The following MTRF1 variants were observed in gnomAD, a reference collection of about 807,000 sequenced individuals.
MTRF1 encodes peptide chain release factor 1, mitochondrial.
MTRF1 carries 51 observed loss-of-function variants against 62.9 expected under a neutral mutation model. That is an observed-to-expected ratio of 0.81 (90% confidence interval 0.65 to 1.02). MTRF1 has a LOEUF of 1.02. MTRF1 is among the 50% of genes least tolerant of loss of function. The pLI, the probability that MTRF1 is intolerant of heterozygous loss-of-function variation, is 0.00. For synonymous variants in MTRF1, 158 were observed against 181.9 expected (o/e 0.87, Z 1.06); for missense variants, 446 against 530.0 (o/e 0.84, Z 1.56).
chr13:41,257,748 T>C (rs756781670), intron 2 of MTRF1: 10 of 446,988 alleles, frequency 2.2e-5, no homozygotes, highest in Non-Finnish European at 4.1e-5. Context: ...AAGTGAGCTA[T>C]GATTACACTA....
the MTRF1 span, among the ~76,000 whole-genome samples, chr13:41,301,816 G>C: frequency 2.0e-5 from 3 of 152,102 alleles, no homozygotes; most frequent in Non-Finnish European, 4.4e-5. Flanking sequence ...TGTAGATAAA[G>C]ATTTTATGTA....
At position 41,243,973 on chromosome 13, in the gene MTRF1, C is replaced by T. The variant is rs113286492; in HGVS notation, c.698-3540G>A. Among the ~76,000 whole-genome samples, 830 of 152,234 alleles carry T rather than the reference C, an allele frequency of 5.5e-3. 8 individuals are homozygous for T. The highest frequency in any genetic ancestry group is 0.018 in the African/African-American group (748 of 41,534). On this transcript the variant is annotated intron_variant, in intron 5 of 9. Coordinates refer to ENST00000379480, the MANE Select transcript of MTRF1 (RefSeq NM_004294.4). The stretch of plus-strand genomic sequence containing the variant: ...ATCTATACTGTCAGATCATACAGTC[C>T]TTATGTAACAAATTTATTCCCCTTA...
At chr13:41,252,554 C>CAA in intron 5 of MTRF1, 91 bp downstream of exon 5, 3 of 948,430 alleles carry the variant, frequency 3.2e-6, no homozygotes, top group Non-Finnish European at 3.1e-6. Context: ...CCAAAAGTTT[C>CAA]AAAAAAAAAT....
the MTRF1 span, among the ~76,000 whole-genome samples, chr13:41,270,413 G>T: frequency 3.5e-3 from 530 of 152,244 alleles, 1 homozygote; most frequent in Non-Finnish European, 6.1e-3. Flanking sequence ...TTTCAGTAGT[G>T]AAACATTGTG....
intron 7 of MTRF1, among the ~76,000 whole-genome samples, chr13:41,231,836 T>C (rs1184623331): frequency 2.1e-5 from 3 of 140,650 alleles, no homozygotes; most frequent in East Asian, 2.1e-4. Context: ...AGCCGAGGAG[T>C]TGGAGACCAG....
At chr13:41,276,490 T>C in the MTRF1 span, among the ~76,000 whole-genome samples, 6 of 152,184 alleles carry the variant, frequency 3.9e-5, no homozygotes, top group African/African-American at 1.2e-4. Flanking sequence ...TCTTATTAAA[T>C]ACCTACCATG....
At chr13:41,297,567 C>T in the MTRF1 span, among the ~76,000 whole-genome samples, 7 of 150,864 alleles carry the variant, frequency 4.6e-5, no homozygotes, top group Admixed American at 4.0e-4. Flanking sequence ...TCAGGTACTA[C>T]TTTTAATTGC....
chr13:41,265,692 G>T (rs2040826764), upstream of MTRF1, among the ~76,000 whole-genome samples: 2 of 151,956 alleles, frequency 1.3e-5, no homozygotes, highest in Admixed American at 6.6e-5. Flanking sequence ...GAGGTTACGT[G>T]AGTACACTGT....
chr13:41,273,329 A>G, the MTRF1 span, among the ~76,000 whole-genome samples: 1 of 151,078 alleles, frequency 6.6e-6, no homozygotes, highest in Non-Finnish European at 1.5e-5. Flanking sequence ...CCGTCTCAAA[A>G]AAAAAAAAAA....
At chr13:41,225,278 T>A (rs2034186985) in intron 8 of MTRF1, among the ~76,000 whole-genome samples, 2 of 150,488 alleles carry the variant, frequency 1.3e-5, no homozygotes, top group South Asian at 4.2e-4. Flanking sequence ...TAAATCCAAA[T>A]GTCTTTTTAA....
chr13:41,222,591 C>T (rs1261606551), intron 9 of MTRF1, among the ~76,000 whole-genome samples: 1 of 152,130 alleles, frequency 6.6e-6, no homozygotes, highest in Non-Finnish European at 1.5e-5. Context: ...TAAAAAGGCC[C>T]GAGTCATTCC....
At chr13:41,266,371 G>A (rs903691933), upstream of MTRF1, among the ~76,000 whole-genome samples, 1 of 152,134 alleles carries the variant, frequency 6.6e-6, no homozygotes, top group African/African-American at 2.4e-5. Context: ...CAGCACCTTG[G>A]GAGGCCAAGG....
At chr13:41,310,526 C>A in the MTRF1 span, among the ~76,000 whole-genome samples, 1 of 152,108 alleles carries the variant, frequency 6.6e-6, no homozygotes. Flanking sequence ...CAAAATTAGC[C>A]GGGTGTGGTG....
the MTRF1 span, among the ~76,000 whole-genome samples, chr13:41,290,089 C>CTTTTT: frequency 1.3e-3 from 99 of 78,516 alleles, 1 homozygote; most frequent in East Asian, 1.8e-3. Flanking sequence ...TGTAATAGTT[C>CTTTTT]TTTTTTTTTT....
rs1389830283 is a variant in MTRF1 at position 41,263,470 on chromosome 13, A to G, written c.-9+15T>C. On this transcript the variant is annotated intron_variant, in intron 1 of 9. Transcript: ENST00000379480. ...CAGGAGGCGGCGGGGAAGATCAGGA[A>G]AGAACTGTGAGTACCTAAGAAAAAG... 4 of 337,630 alleles carry G rather than the reference A, an allele frequency of 1.2e-5. No individual in the cohort carries two copies. The highest frequency in any genetic ancestry group is 2.4e-5 in the Non-Finnish European group (4 of 169,238). The allele number at this position is 337,630 out of a possible 1,614,324, so 20.9% of individuals were successfully genotyped here.
At chr13:41,296,148 G>A in the MTRF1 span, among the ~76,000 whole-genome samples, 10 of 152,198 alleles carry the variant, frequency 6.6e-5, no homozygotes, top group African/African-American at 2.4e-4. Flanking sequence ...GTCTCCCTAT[G>A]TTGCCCAATC....
chr13:41,311,110 G>T, the MTRF1 span: 1 of 271,712 alleles, frequency 3.7e-6, no homozygotes. Context: ...GAGCCCCAGG[G>T]GGTGCCGAGA....
At chr13:41,223,467 A>C in intron 8 of MTRF1, 113 bp from the exon 9 acceptor site, 1 of 753,466 alleles carries the variant, frequency 1.3e-6, no homozygotes, top group Non-Finnish European at 2.2e-6. Flanking sequence ...TCTAAAAGAC[A>C]TATATACAAA....
chr13:41,311,497 C>A, the MTRF1 span: 1 of 1,576,410 alleles, frequency 6.3e-7, no homozygotes, highest in Non-Finnish European at 8.6e-7. Flanking sequence ...CCTAGCCTCC[C>A]TGCCGGCCAC....
Sources: gnomAD v4.1 joint callset for allele counts (sites outside exome capture counted in the v4.1 genomes callset) on GRCh38, gnomAD v4.1.1 for gene constraint, MANE v1.5 for transcripts, NCBI Gene and HGNC (gene_info 2026-07-23, HGNC 2026-07-21) for gene names.